Variants in ASMTL observed in about 807,000 individuals in gnomAD.
ASMTL encodes the protein acetylserotonin O-methyltransferase like, also known as probable bifunctional dTTP/UTP pyrophosphatase/methyltransferase protein.
ASMTL carries 57 observed loss-of-function variants against 60.3 expected under a neutral mutation model. The observed-to-expected ratio is 0.95, with a 90% CI of 0.76 to 1.18. The LOEUF (loss-of-function observed/expected upper bound fraction) is 1.18. Among genes scored for constraint, ASMTL ranks in the 50% most tolerant of loss-of-function variants. The pLI, the probability that ASMTL is intolerant of heterozygous loss-of-function variation, is 0.00. For synonymous variants in ASMTL, 419 were observed against 373.0 expected, an observed-to-expected ratio of 1.12 and a Z score of -1.42; for missense variants, 981 against 852.6, an observed-to-expected ratio of 1.15 and a Z score of -1.88.
chrX:1,432,529 A>G, intron 5 of ASMTL, 152 bp from the exon 6 acceptor site: 1 of 683,816 alleles, frequency 1.5e-6, no homozygotes, highest in Non-Finnish European at 2.6e-6. Context: ...TTCATTTCGG[A>G]CAAGAAAAGG....
chrX:1,410,339 A>G (rs2089963140), intron 12 of ASMTL, among the ~76,000 whole-genome samples: 1 of 151,536 alleles, frequency 6.6e-6, no homozygotes, highest in Non-Finnish European at 1.5e-5. Context: ...CCAGGAGGTC[A>G]AGGCTGCAGT....
intron 2 of ASMTL, among the ~76,000 whole-genome samples, chrX:1,441,388 T>G (rs1306749422): frequency 1.3e-5 from 2 of 152,196 alleles, no homozygotes; most frequent in Non-Finnish European, 2.9e-5. Context: ...GCAATTCTCC[T>G]GCCTCAGCCT....
At chrX:1,430,876 TA>T (rs1159525790) in intron 6 of ASMTL, among the ~76,000 whole-genome samples, 1 of 140,256 alleles carries the variant, frequency 7.1e-6, no homozygotes, top group Non-Finnish European at 1.5e-5. Context: ...TTTTATAATA[TA>T]AAAATATATT....
At chrX:1,417,751 C>G (rs1363946619) in intron 11 of ASMTL, among the ~76,000 whole-genome samples, 1 of 40,000 alleles carries the variant, frequency 2.5e-5, no homozygotes, top group African/African-American at 5.7e-5. Flanking sequence ...TGCTCACGCA[C>G]AGACATGCTC....
intron 10 of ASMTL, among the ~76,000 whole-genome samples, chrX:1,418,744 C>T (rs757592443): frequency 6.6e-6 from 1 of 152,196 alleles, no homozygotes; most frequent in African/African-American, 2.4e-5. Context: ...GGTGCTCTGC[C>T]TCAGCTCCGC....
At chrX:1,452,062 C>G (rs1368955477) in intron 1 of ASMTL, among the ~76,000 whole-genome samples, 1 of 148,154 alleles carries the variant, frequency 6.7e-6, no homozygotes, top group Non-Finnish European at 1.5e-5. Flanking sequence ...TCTCCCCTCC[C>G]CCACCCCTAG....
chrX:1,437,852 A>G (rs746592521), intron 3 of ASMTL, among the ~76,000 whole-genome samples: 11 of 151,600 alleles, frequency 7.3e-5, no homozygotes, highest in East Asian at 1.9e-4. Context: ...AGCTGAGATC[A>G]TGCCACTACA....
intron 1 of ASMTL, among the ~76,000 whole-genome samples, chrX:1,443,086 T>TGCCATCTGGGACACACACC (rs2091143369): frequency 1.1e-5 from 1 of 95,102 alleles, no homozygotes; most frequent in Non-Finnish European, 2.3e-5. Flanking sequence ...GGACACACAC[T>TGCCATCTGGGACACACACC]GCCATCTGGG....
chrX:1,432,566 A>C (rs371546241), intron 5 of ASMTL, among the ~76,000 whole-genome samples, 189 bp from the exon 6 acceptor site: 1 of 152,308 alleles, frequency 6.6e-6, no homozygotes, highest in East Asian at 1.9e-4. Flanking sequence ...GCGGTGGCTC[A>C]CGCCTGTCAT....
rs1410109041 is a variant in ASMTL at position 1,403,208 on chromosome X, C to G, written c.*61G>C. ...GTGACTGTCCTATGGTACTTGGGGA[C>G]CGGGCGGTCCACCTGCAGCCTGGGG... On this transcript the variant is annotated 3_prime_UTR_variant, in exon 13 of 13. Transcript: ENST00000381317. The G allele has an allele frequency of 1.4e-6, 2 of 1,421,590 alleles. No homozygotes were observed. Among genetic ancestry groups the G allele is most frequent in the Non-Finnish European group, 2.0e-6 (2 of 1,011,204 alleles). The allele number at this position is 1,421,590 out of a possible 1,614,324, so 88.1% of individuals were successfully genotyped here. A position where few individuals can be genotyped will look rare whatever the true frequency, so the allele number is the denominator to read the frequency against.
At chrX:1,443,735 C>T (rs1370735924) in intron 1 of ASMTL, among the ~76,000 whole-genome samples, 4 of 135,034 alleles carry the variant, frequency 3.0e-5, no homozygotes, top group Admixed American at 7.3e-5. Context: ...ACACCCCCAT[C>T]GTGGACAGAC....
intron 1 of ASMTL, among the ~76,000 whole-genome samples, chrX:1,449,165 C>G (rs1271056613): frequency 1.3e-5 from 2 of 152,124 alleles, no homozygotes; most frequent in African/African-American, 4.8e-5. Flanking sequence ...AGAGAACACT[C>G]CTGACCTAAC....
intron 1 of ASMTL, among the ~76,000 whole-genome samples, chrX:1,451,375 T>C (rs1164555451): frequency 1.8e-3 from 125 of 68,952 alleles, no homozygotes; most frequent in Middle Eastern, 0.015. Context: ...GGGTCACCCT[T>C]CCCTCCCCCA....
At chrX:1,430,505 C>T (rs1324063146) in intron 6 of ASMTL, among the ~76,000 whole-genome samples, 16 of 151,988 alleles carry the variant, frequency 1.1e-4, no homozygotes, top group African/African-American at 1.7e-4. Context: ...TGTGTTGGTG[C>T]GTGTCCTGTG....
At chrX:1,419,223 T>A in intron 9 of ASMTL, 109 bp from the exon 10 acceptor site, 1 of 1,301,306 alleles carries the variant, frequency 7.7e-7, no homozygotes, top group South Asian at 1.3e-5. Flanking sequence ...GCGTGGGGGC[T>A]CAGCCGCGCC....
chrX:1,423,056 C>T (rs1190586796), intron 8 of ASMTL, among the ~76,000 whole-genome samples: 12 of 152,084 alleles, frequency 7.9e-5, no homozygotes, highest in Non-Finnish European at 1.6e-4. Context: ...GGGTTCATGC[C>T]ATTGTCCTCC....
intron 3 of ASMTL, among the ~76,000 whole-genome samples, chrX:1,438,438 C>A (rs1176428282): frequency 6.6e-6 from 1 of 152,248 alleles, no homozygotes; most frequent in Non-Finnish European, 1.5e-5. Flanking sequence ...CCAAGACCAA[C>A]TTCTCCTCAG....
At chrX:1,448,061 T>C (rs1435916557) in intron 1 of ASMTL, among the ~76,000 whole-genome samples, 1 of 147,864 alleles carries the variant, frequency 6.8e-6, no homozygotes, top group African/African-American at 2.5e-5. Context: ...AACCACCATC[T>C]TGGACACACA....
Position 1,428,091 on chromosome X carries a change from G to A in ASMTL, c.540C>T (p.Ala180=). ...CGGACTCCACCAGCATGCCGCCCAG[G>A]GCCTGGATCCCGTAGCCGCCAGCTT... ...MDKAGGYGIQ[A]LGGMLVESVH... is the part of the protein sequence containing the mutation. The change falls in exon 7 of 13, where the codon GCC becomes GCT. Residue 180 remains alanine, a synonymous_variant. Coordinates refer to ENST00000381317, the MANE Select transcript of ASMTL (RefSeq NM_004192.4). 1.9e-6 allele frequency: 3 copies of A among 1,608,654 alleles called. No individual in the cohort carries two copies. Among genetic ancestry groups the A allele is most frequent in the Non-Finnish European group, 2.6e-6 (3 of 1,175,674 alleles).
Sources: gnomAD v4.1 joint callset for allele counts (sites outside exome capture counted in the v4.1 genomes callset) on GRCh38, gnomAD v4.1.1 for gene constraint, MANE v1.5 for transcripts, NCBI Gene and HGNC (gene_info 2026-07-23, HGNC 2026-07-21) for gene names.